MAPRE3: variants seen among roughly 807,000 people sequenced by gnomAD.
The protein encoded by MAPRE3 is microtubule associated protein RP/EB family member 3.
Under a neutral mutation model 30.5 loss-of-function variants are expected in MAPRE3, and 2 were observed. The ratio of observed to expected loss-of-function variants is 0.07; its 90% CI spans 0.03 to 0.21. The LOEUF (loss-of-function observed/expected upper bound fraction) is 0.21, where lower values mean the gene tolerates loss of function less well. Ranked by LOEUF, MAPRE3 falls within the 10% of genes least tolerant of loss-of-function variation. MAPRE3 has a pLI of 1.00. For synonymous variants in MAPRE3, 110 were observed against 127.7 expected (o/e 0.86, Z 0.93); for missense variants, 204 against 351.8 (o/e 0.58, Z 3.36).
intron 1 of MAPRE3, among the ~76,000 whole-genome samples, chr2:26,981,875 G>T (rs1666120483): frequency 6.6e-6 from 1 of 152,190 alleles, no homozygotes; most frequent in Admixed American, 6.5e-5. Context: ...TCTTAGATGT[G>T]CTGTTGCGTG....
chr2:26,990,921 TTCCC>T, intron 1 of MAPRE3, among the ~76,000 whole-genome samples: 1 of 152,292 alleles, frequency 6.6e-6, no homozygotes, highest in East Asian at 1.9e-4. Context: ...TGCCCAGCAT[TTCCC>T]TGACACTCAG....
chr2:26,990,823 T>C (rs1040847740), intron 1 of MAPRE3, among the ~76,000 whole-genome samples: 4 of 152,170 alleles, frequency 2.6e-5, no homozygotes, highest in African/African-American at 9.7e-5. Flanking sequence ...CTCTAGTATA[T>C]CATGTTATGG....
In MAPRE3 at chr2:27,025,682, C is replaced by T. The variant is rs1043008915; in HGVS notation, c.569C>T (p.Ser190Leu). ...PPCILRKNPP[S>L]ARNGGHETDA... Reference sequence around the variant, plus strand: ...TGCATTCTCCGGAAGAATCCTCCATCAGCCCGAAATGGCGGCCATGAGACT... The same window carrying T: ...TGCATTCTCCGGAAGAATCCTCCATTAGCCCGAAATGGCGGCCATGAGACT... The change falls in exon 5 of 7, where the codon TCA (serine) becomes TTA (leucine). Residue 190 changes from serine (S) to leucine (L), a missense_variant. By Grantham distance (145) the Ser-to-Leu change is moderately radical (BLOSUM62 -2). Around this residue, in one of 5 missense-constraint regions of MAPRE3, gnomAD observed 42 missense variants for 81.2 expected, o/e 0.52. Coordinates refer to ENST00000233121, the MANE Select transcript of MAPRE3 (RefSeq NM_012326.4). 4 of 1,613,898 alleles carry T rather than the reference C, an allele frequency of 2.5e-6. No homozygotes were observed. The African/African-American group carries it at 5.3e-5, about 22-fold the overall frequency.
In MAPRE3 at chr2:27,025,875, A is replaced by G; in HGVS notation, c.625-5A>G. 3 of 1,614,224 alleles carry G rather than the reference A, an allele frequency of 1.9e-6. No individual in the cohort carries two copies. Among genetic ancestry groups the G allele is most frequent in the African/African-American group, 2.7e-5 (2 of 75,070 alleles). ...TGGCTTGAACATCACTTTGTCCCCAAGCAGCTGGTGGACTTGAAGCTGACA... is the reference window on the plus strand; with the variant it reads ...TGGCTTGAACATCACTTTGTCCCCAGGCAGCTGGTGGACTTGAAGCTGACA... On this transcript the variant is annotated splice_polypyrimidine_tract_variant and splice_region_variant and intron_variant, in intron 5 of 6. Transcript: ENST00000233121.
At chr2:26,980,250 T>C (rs185416508) in intron 1 of MAPRE3, among the ~76,000 whole-genome samples, 69 of 152,298 alleles carry the variant, frequency 4.5e-4, no homozygotes, top group Middle Eastern at 6.8e-3. Flanking sequence ...AGTAAAACAC[T>C]GGAGTGGTTT....
chr2:27,006,698 C>G (rs929546544), intron 1 of MAPRE3, among the ~76,000 whole-genome samples: 1 of 152,122 alleles, frequency 6.6e-6, no homozygotes, highest in African/African-American at 2.4e-5. Context: ...ACTCCCAAAC[C>G]ACTGAGATTA....
At chr2:26,982,230 G>A (rs1666128815) in intron 1 of MAPRE3, among the ~76,000 whole-genome samples, 3 of 152,148 alleles carry the variant, frequency 2.0e-5, no homozygotes, top group Non-Finnish European at 4.4e-5. Flanking sequence ...CCTGGGTTGT[G>A]GTCTTTATTC....
At chr2:26,973,395 G>T (rs1285669520) in intron 1 of MAPRE3, among the ~76,000 whole-genome samples, 1 of 152,176 alleles carries the variant, frequency 6.6e-6, no homozygotes, top group Non-Finnish European at 1.5e-5. Context: ...GGAGGCTATT[G>T]AACGGAGGAA....
chr2:27,005,941 G>T (rs1314822739), intron 1 of MAPRE3, among the ~76,000 whole-genome samples: 1 of 152,190 alleles, frequency 6.6e-6, no homozygotes, highest in Non-Finnish European at 1.5e-5. Context: ...CCAGCACTTT[G>T]GGAGGCCGAG....
chr2:26,989,303 A>G (rs1291757126), intron 1 of MAPRE3, among the ~76,000 whole-genome samples: 6 of 152,200 alleles, frequency 3.9e-5, no homozygotes, highest in African/African-American at 1.4e-4. Flanking sequence ...TGGTCAGGGA[A>G]AGAAATGACT....
chr2:27,024,042 G>A, intron 3 of MAPRE3, 54 bp from the exon 4 acceptor site: 1 of 1,410,852 alleles, frequency 7.1e-7, no homozygotes, highest in Non-Finnish European at 1.0e-6. Flanking sequence ...GCAGAGGAAG[G>A]CGGTCCTACA....
At chr2:27,007,564 A>G (rs150048802) in intron 1 of MAPRE3, among the ~76,000 whole-genome samples, 15 of 152,340 alleles carry the variant, frequency 9.8e-5, no homozygotes, top group African/African-American at 3.4e-4. Flanking sequence ...GATAGCTGGA[A>G]CAGTCTTGGA....
At chr2:26,976,733 C>T (rs1179836913) in intron 1 of MAPRE3, among the ~76,000 whole-genome samples, 3 of 152,162 alleles carry the variant, frequency 2.0e-5, no homozygotes, top group Non-Finnish European at 4.4e-5. Context: ...AAACTATTTC[C>T]TAGATATAGG....
At chr2:27,018,573 G>A (rs1469595474) in intron 1 of MAPRE3, among the ~76,000 whole-genome samples, 1 of 152,132 alleles carries the variant, frequency 6.6e-6, no homozygotes, top group Non-Finnish European at 1.5e-5. Flanking sequence ...AACTCCTTGA[G>A]GACAGGGACA....
At chr2:27,019,955 G>A (rs918831579) in intron 1 of MAPRE3, among the ~76,000 whole-genome samples, 1 of 152,260 alleles carries the variant, frequency 6.6e-6, no homozygotes, top group African/African-American at 2.4e-5. Flanking sequence ...AAACAGGACT[G>A]TGCCTGCAGA....
chr2:26,987,034 G>A (rs538364951), intron 1 of MAPRE3, among the ~76,000 whole-genome samples: 4 of 152,172 alleles, frequency 2.6e-5, no homozygotes, highest in African/African-American at 4.8e-5. Context: ...TACTTGAAGC[G>A]GTTTGGCTTC....
intron 2 of MAPRE3, among the ~76,000 whole-genome samples, chr2:27,023,128 G>A (rs1667146162): frequency 6.6e-6 from 1 of 152,170 alleles, no homozygotes; most frequent in East Asian, 1.9e-4. Context: ...GTGTGGTGCT[G>A]GTTCATAATA....
intron 1 of MAPRE3, among the ~76,000 whole-genome samples, chr2:26,978,864 G>A (rs1666063977): frequency 6.6e-6 from 1 of 152,230 alleles, no homozygotes; most frequent in Non-Finnish European, 1.5e-5. Flanking sequence ...TGGAAGACAA[G>A]ATGGATATAT....
intron 1 of MAPRE3, among the ~76,000 whole-genome samples, chr2:27,004,748 T>C (rs979044465): frequency 3.7e-5 from 5 of 133,406 alleles, no homozygotes; most frequent in Non-Finnish European, 8.1e-5. Context: ...AAAAAAAAAG[T>C]AAATGCCATG....
Sources: gnomAD v4.1 joint callset for allele counts (sites outside exome capture counted in the v4.1 genomes callset) on GRCh38, gnomAD v4.1.1 for gene constraint, gnomAD v4.1.1 regional missense constraint, MANE v1.5 for transcripts, NCBI Gene and HGNC (gene_info 2026-07-23, HGNC 2026-07-21) for gene names.